NR5A1: variants seen among roughly 807,000 people sequenced by gnomAD.
NR5A1 encodes the protein steroidogenic factor 1.
A neutral mutation model predicts 42.7 loss-of-function variants in NR5A1; 6 were observed. The ratio of observed to expected loss-of-function variants is 0.14; its 90% confidence interval spans 0.08 to 0.28. The LOEUF (loss-of-function observed/expected upper bound fraction) is 0.28, where lower values mean the gene tolerates loss of function less well. Among genes scored for constraint, NR5A1 ranks in the 10% least tolerant of loss-of-function variants. The probability of loss-of-function intolerance (pLI) is 1.00; values close to 1 mark genes in which losing one functional copy is unlikely to be tolerated. For missense variants in NR5A1, 442 were observed against 626.4 expected (o/e 0.71, Z 3.14); for synonymous variants, 274 against 277.5 (o/e 0.99, Z 0.12).
intron 4 of NR5A1, among the ~76,000 whole-genome samples, chr9:124,499,542 T>TAA: frequency 6.6e-6 from 1 of 152,244 alleles, no homozygotes; most frequent in African/African-American, 2.4e-5. Flanking sequence ...CCCCAAACTC[T>TAA]AAAACACTAA....
At chr9:124,487,353 G>C (rs1234087026) in intron 6 of NR5A1, among the ~76,000 whole-genome samples, 1 of 152,242 alleles carries the variant, frequency 6.6e-6, no homozygotes, top group Non-Finnish European at 1.5e-5. Flanking sequence ...CGGAGCAGTG[G>C]GTAAATTGCA....
At position 124,496,015 on chromosome 9, in the gene NR5A1, T is replaced by C. The variant is rs1832385888; in HGVS notation, c.871-2866A>G. Among the ~76,000 whole-genome samples the C allele has an allele frequency of 6.6e-6, 1 of 152,304 alleles. No individual in the cohort carries two copies. Among genetic ancestry groups the C allele is most frequent in the South Asian group, 2.1e-4 (1 of 4,830 alleles). On this transcript the variant is annotated intron_variant, in intron 4 of 6. Coordinates refer to ENST00000373588, the MANE Select transcript of NR5A1 (RefSeq NM_004959.5). The surrounding 1 kb of genome is among the most constrained non-coding windows in gnomAD (Gnocchi z 5.0). ...TAAAACGTAAGAACACACATTGGGA[T>C]GTATGGGAATCGGTGGACCTGCTGT...
chr9:124,504,330 A>C (rs1038608825), intron 1 of NR5A1, among the ~76,000 whole-genome samples: 4 of 152,142 alleles, frequency 2.6e-5, no homozygotes, highest in African/African-American at 9.7e-5. Context: ...CCCAAGCGCC[A>C]AGGCGAGGCC....
intron 6 of NR5A1, among the ~76,000 whole-genome samples, chr9:124,488,207 G>A (rs537390788): frequency 1.3e-3 from 193 of 151,506 alleles, no homozygotes; most frequent in African/African-American, 4.2e-3. Context: ...CCCACCCCCC[G>A]GAAGCCTTCC....
intron 1 of NR5A1, among the ~76,000 whole-genome samples, chr9:124,506,641 T>A (rs1832564820): frequency 6.6e-6 from 1 of 152,002 alleles, no homozygotes; most frequent in Admixed American, 6.5e-5. Context: ...CTATCTCCAA[T>A]CCCCTCTCCC....
chr9:124,491,023 C>CCCA, intron 6 of NR5A1, 58 bp downstream of exon 6: 1 of 605,570 alleles, frequency 1.7e-6, no homozygotes, highest in Non-Finnish European at 2.8e-6. Context: ...CCTCACCCAC[C>CCCA]CTCCCACCCA....
intron 5 of NR5A1, among the ~76,000 whole-genome samples, chr9:124,491,647 C>T (rs1378650147): frequency 2.6e-5 from 4 of 152,058 alleles, no homozygotes; most frequent in Non-Finnish European, 5.9e-5. Flanking sequence ...ATGTTCACAC[C>T]TACACGCTGG....
In NR5A1 at chr9:124,500,563, G is replaced by A. The variant is rs1832454061; in HGVS notation, c.397C>T (p.Pro133Ser). Reference sequence around the variant, plus strand: ...GGCAGCACGTAGTCCGGTGCGGGAGGGGGCGGCGGGGGCACCCCCATCGGG... The same window carrying A: ...GGCAGCACGTAGTCCGGTGCGGGAGAGGGCGGCGGGGGCACCCCCATCGGG... ...GPPMGVPPPP[P>S]PAPDYVLPPS... is the part of the protein sequence containing the mutation. The change falls in exon 4 of 7, where the codon CCT becomes TCT. Residue 133 changes from proline to serine, a missense_variant. Around this residue, in one of 3 missense-constraint regions of NR5A1, gnomAD observed 208 missense variants for 203.8 expected, o/e 1.02. Coordinates refer to ENST00000373588, the MANE Select transcript of NR5A1 (RefSeq NM_004959.5). The surrounding 1 kb of genome is among the most constrained non-coding windows in gnomAD (Gnocchi z 6.9). 6.2e-7 allele frequency: 1 copy of A among 1,611,414 alleles called. No individual in the cohort carries two copies. The highest frequency in any genetic ancestry group is 8.5e-7 in the Non-Finnish European group (1 of 1,179,830).
chr9:124,500,854 G>A lies in NR5A1; in HGVS notation c.245-139C>T. 2.2e-6 allele frequency: 3 copies of A among 1,358,098 alleles called. No homozygotes were observed. The highest frequency in any genetic ancestry group is 4.8e-5 in the East Asian group (2 of 41,294). The allele number at this position is 1,358,098 out of a possible 1,614,324, so 84.1% of individuals were successfully genotyped here. The stretch of plus-strand genomic sequence containing the variant: ...TTCATGGCTCCCACTGACCACAGGG[G>A]AAGTCAGTCTCCTTTGCCTGGCATT... On this transcript the variant is annotated intron_variant, in intron 3 of 6. Transcript: ENST00000373588. This position sits in a 1 kb window ranked among gnomAD's most constrained non-coding sequence, Gnocchi z 6.9.
Position 124,493,163 on chromosome 9 carries a change from G to T in NR5A1, c.871-14C>A. The T allele has an allele frequency of 6.2e-7, 1 of 1,608,556 alleles. No individual in the cohort carries two copies. On this transcript the variant is annotated splice_polypyrimidine_tract_variant and intron_variant, in intron 4 of 6. Coordinates refer to ENST00000373588, the MANE Select transcript of NR5A1 (RefSeq NM_004959.5). Reference sequence around the variant, plus strand: ...CTGGTCGGCCACCTGGAAGGAAGAGGCACGCGGGGGGCCGGGCTCCAGCCA... The same window carrying T: ...CTGGTCGGCCACCTGGAAGGAAGAGTCACGCGGGGGGCCGGGCTCCAGCCA...
At chr9:124,499,783 C>T (rs1053802220) in intron 4 of NR5A1, among the ~76,000 whole-genome samples, 10 of 152,124 alleles carry the variant, frequency 6.6e-5, no homozygotes, top group African/African-American at 2.2e-4. Context: ...GTTGCAGAGA[C>T]ACCAAGAAGC....
In NR5A1 at chr9:124,495,696, G is replaced by A. The variant is rs368793802; in HGVS notation, c.871-2547C>T. ...AGACACAAGGGGGTGGGGAGGTGGC[G>A]GAGGAGCGATAAGGGGTAGAATGAG... On this transcript the variant is annotated intron_variant, in intron 4 of 6. Coordinates refer to ENST00000373588, the MANE Select transcript of NR5A1 (RefSeq NM_004959.5). 2.0e-3 allele frequency among the ~76,000 whole-genome samples: 301 copies of A among 152,338 alleles called. 1 individual carries two copies. The highest frequency in any genetic ancestry group is 6.8e-3 in the African/African-American group (284 of 41,576).
intron 6 of NR5A1, among the ~76,000 whole-genome samples, chr9:124,490,467 C>T (rs1222328699): frequency 6.6e-6 from 1 of 152,086 alleles, no homozygotes; most frequent in Non-Finnish European, 1.5e-5. Context: ...GGTGGGTGGC[C>T]GGGCTGGGCT....
rs982925101 is a variant in NR5A1, at chr9:124,503,193, T to C, written c.130A>G (p.Asn44Asp). ...CTCTCGGTGCACGTGTAGTGCTTGT[T>C]GTTCTGCACCGTGCGCTTGAAGAAG... ...KGFFKRTVQN[N>D]KHYTCTESQS... The change falls in exon 3 of 7, where the codon AAC becomes GAC. Residue 44 changes from asparagine to aspartate, a missense_variant. Physicochemically the swap from Asn to Asp is conservative, Grantham distance 23. Coordinates refer to ENST00000373588, the MANE Select transcript of NR5A1 (RefSeq NM_004959.5). This position sits in a 1 kb window ranked among gnomAD's most constrained non-coding sequence, Gnocchi z 9.6. 4 of 1,604,350 alleles carry C rather than the reference T, an allele frequency of 2.5e-6. No homozygotes were observed. The highest frequency in any genetic ancestry group is 3.4e-6 in the Non-Finnish European group (4 of 1,176,232).
chr9:124,483,762 G>A (rs1398160990), intron 6 of NR5A1, among the ~76,000 whole-genome samples: 1 of 152,218 alleles, frequency 6.6e-6, no homozygotes, highest in Non-Finnish European at 1.5e-5. Context: ...CACTGTGGGT[G>A]GGAGTATCCC....
At chr9:124,494,949 C>G (rs1452684036) in intron 4 of NR5A1, among the ~76,000 whole-genome samples, 9 of 152,208 alleles carry the variant, frequency 5.9e-5, no homozygotes, top group African/African-American at 2.2e-4. Context: ...ATAGAAGCAC[C>G]CCGCTCTCTG....
intron 5 of NR5A1, among the ~76,000 whole-genome samples, chr9:124,491,706 T>C (rs1046528744): frequency 6.6e-6 from 1 of 151,214 alleles, no homozygotes; most frequent in Non-Finnish European, 1.5e-5. Context: ...AGCACAGTCA[T>C]GGGGTCGCCC....
Position 124,500,118 on chromosome 9 carries a change from C to T in NR5A1, c.842G>A (p.Arg281His), listed in dbSNP as rs376558631. The change falls in exon 4 of 7, where the codon CGC becomes CAC. Residue 281 changes from arginine to histidine, a missense_variant. By Grantham distance (29) the Arg-to-His change is conservative (BLOSUM62 0). Transcript: ENST00000373588. This position sits in a 1 kb window ranked among gnomAD's most constrained non-coding sequence, Gnocchi z 6.9. ...QTFISIVDWA[R>H]RCMVFKELEV... ...CAGCTCCTTGAAGACCATGCACCTG[C>T]GTGCCCAGTCCACGATGGAGATGAA... 1 of 1,612,996 alleles carries T rather than the reference C, an allele frequency of 6.2e-7. No individual in the cohort carries two copies. The highest frequency in any genetic ancestry group is 8.5e-7 in the Non-Finnish European group (1 of 1,180,050).
At chr9:124,505,496 C>T (rs942787106) in intron 1 of NR5A1, among the ~76,000 whole-genome samples, 1 of 152,226 alleles carries the variant, frequency 6.6e-6, no homozygotes, top group African/African-American at 2.4e-5. Context: ...TAGATGACCG[C>T]TCTTCCTCGC....
Sources: gnomAD v4.1 joint callset for allele counts (sites outside exome capture counted in the v4.1 genomes callset) on GRCh38, gnomAD v4.1.1 for gene constraint, gnomAD v4.1.1 regional missense constraint, Gnocchi (gnomAD v3.1) non-coding constraint, MANE v1.5 for transcripts, NCBI Gene and HGNC (gene_info 2026-07-23, HGNC 2026-07-21) for gene names.